The following SH3D19 variants were observed in gnomAD, a reference collection of about 807,000 sequenced individuals.
SH3D19 encodes SH3 domain containing 19, also known as SH3 domain-containing protein 19.
Under a neutral mutation model 112.1 loss-of-function variants are expected in SH3D19, and 58 were observed. That is an observed-to-expected ratio of 0.52 (90% CI 0.42 to 0.64). The LOEUF is 0.64. Among genes scored for constraint, SH3D19 ranks in the 30% least tolerant of loss-of-function variants. The pLI, the probability that SH3D19 is intolerant of heterozygous loss-of-function variation, is 0.00. For missense variants in SH3D19, 1,090 were observed against 1,263.4 expected, an observed-to-expected ratio of 0.86 and a Z score of 2.08; for synonymous variants, 391 against 448.5, an observed-to-expected ratio of 0.87 and a Z score of 1.62.
intron 1 of SH3D19, among the ~76,000 whole-genome samples, chr4:151,325,023 C>T (rs987171130): frequency 2.6e-5 from 4 of 152,190 alleles, no homozygotes; most frequent in Non-Finnish European, 5.9e-5. Flanking sequence ...AGCTGTACGA[C>T]CACTAGCAGT....
chr4:151,227,632 T>C (rs993882230), intron 1 of SH3D19: 2 of 433,840 alleles, frequency 4.6e-6, no homozygotes, highest in Admixed American at 6.4e-5. Flanking sequence ...TTTAAATCAT[T>C]TCTCTCAATC....
At chr4:151,249,183 G>C (rs768610532) in intron 1 of SH3D19, among the ~76,000 whole-genome samples, 2 of 152,142 alleles carry the variant, frequency 1.3e-5, no homozygotes, top group Non-Finnish European at 2.9e-5. Context: ...CACGTATTCA[G>C]AGTCTGTCCA....
In SH3D19 at chr4:151,174,846, G is replaced by A; in HGVS notation, c.1358C>T (p.Ala453Val). The change falls in exon 7 of 20, where the codon GCA (alanine) becomes GTA (valine). Residue 453 changes from alanine to valine, a missense_variant. Physicochemically the swap from Ala to Val is moderately conservative, Grantham distance 64 (BLOSUM62 0). Transcript: ENST00000604030. ...PVTVPPRLAG[A>V]SQAKAYKSLG... is the part of the protein sequence containing the mutation. ...TGACTTGTATGCTTTGGCTTGTGAT[G>A]CCCCTGCGAGTCGGGGAGGAACAGT... 1 of 1,591,436 alleles carries A rather than the reference G, an allele frequency of 6.3e-7. No individual in the cohort carries two copies.
At chr4:151,282,503 A>G in intron 1 of SH3D19, 2 of 1,359,204 alleles carry the variant, frequency 1.5e-6, no homozygotes, top group Non-Finnish European at 2.0e-6. Flanking sequence ...TACCATGGAA[A>G]ATATTTTTCA....
intron 7 of SH3D19, among the ~76,000 whole-genome samples, chr4:151,168,681 C>A (rs11943609): frequency 6.6e-6 from 1 of 152,118 alleles, no homozygotes; most frequent in African/African-American, 2.4e-5. Context: ...GATCCTCCCA[C>A]CTTGGCCTCT....
Position 151,190,710 on chromosome 4 carries a change from G to A in SH3D19, c.153-3247C>T, listed in dbSNP as rs181854549. Among the ~76,000 whole-genome samples, 273 of 152,358 alleles carry A rather than the reference G, an allele frequency of 1.8e-3. 1 individual carries two copies. The highest frequency in any genetic ancestry group is 6.2e-3 in the African/African-American group (258 of 41,584). On this transcript the variant is annotated intron_variant, in intron 2 of 19. Transcript: ENST00000604030. ...AGGGGATTTATGGAAACACCTGGATGTCCAGGCAGAAGTTTGCTGCAGGGG... is the reference window on the plus strand; with the variant it reads ...AGGGGATTTATGGAAACACCTGGATATCCAGGCAGAAGTTTGCTGCAGGGG...
At chr4:151,240,451 T>C (rs1490995704) in intron 1 of SH3D19, among the ~76,000 whole-genome samples, 1 of 151,364 alleles carries the variant, frequency 6.6e-6, no homozygotes, top group East Asian at 1.9e-4. Flanking sequence ...CTTCACTACG[T>C]GTTTCATAAG....
intron 1 of SH3D19, among the ~76,000 whole-genome samples, chr4:151,308,976 C>G (rs572078111): frequency 1.3e-5 from 2 of 152,150 alleles, no homozygotes; most frequent in South Asian, 4.2e-4. Context: ...TTCAACAATT[C>G]TCATGCTCCA....
At chr4:151,313,691 G>A (rs916377225) in intron 1 of SH3D19, among the ~76,000 whole-genome samples, 2 of 152,056 alleles carry the variant, frequency 1.3e-5, no homozygotes, top group African/African-American at 2.4e-5. Flanking sequence ...ACTTCCAGAC[G>A]CACCCTCCAC....
intron 10 of SH3D19, 147 bp from the exon 11 acceptor site, chr4:151,148,333 G>T: frequency 1.2e-6 from 1 of 822,076 alleles, no homozygotes; most frequent in Non-Finnish European, 1.8e-6. Flanking sequence ...ACTGAAACAT[G>T]CAGGGTATGC....
At chr4:151,192,013 TG>T in intron 2 of SH3D19, among the ~76,000 whole-genome samples, 1 of 147,374 alleles carries the variant, frequency 6.8e-6, no homozygotes, top group East Asian at 2.0e-4. Flanking sequence ...GGCATGATCT[TG>T]GCTCACTGCA....
At chr4:151,214,383 G>T (rs1357926647) in intron 2 of SH3D19, among the ~76,000 whole-genome samples, 51 of 129,834 alleles carry the variant, frequency 3.9e-4, no homozygotes, top group Middle Eastern at 4.5e-3. Flanking sequence ...GGGCTGTTGG[G>T]CACACCTCCC....
At chr4:151,129,462 C>A (rs1033615776) in intron 17 of SH3D19, among the ~76,000 whole-genome samples, 1 of 152,100 alleles carries the variant, frequency 6.6e-6, no homozygotes, top group South Asian at 2.1e-4. Flanking sequence ...CTCTGCCTCC[C>A]GGGTTCAAGC....
chr4:151,277,196 C>A, intron 1 of SH3D19: 1 of 1,499,872 alleles, frequency 6.7e-7, no homozygotes, highest in Non-Finnish European at 9.0e-7. Flanking sequence ...GCTGTGCCTT[C>A]ACGCTGCTCC....
chr4:151,228,137 C>T (rs1468479757), intron 1 of SH3D19: 4 of 703,972 alleles, frequency 5.7e-6, no homozygotes, highest in Non-Finnish European at 7.0e-6. Flanking sequence ...TTCTATTGAA[C>T]CAGTAATTAA....
At chr4:151,189,964 T>G (rs1762380127) in intron 2 of SH3D19, among the ~76,000 whole-genome samples, 2 of 152,180 alleles carry the variant, frequency 1.3e-5, no homozygotes, top group South Asian at 4.1e-4. Flanking sequence ...ACTTGCTGAA[T>G]GGCTTTGCCC....
intron 1 of SH3D19, among the ~76,000 whole-genome samples, chr4:151,314,969 C>A (rs1484444059): frequency 6.6e-6 from 1 of 152,100 alleles, no homozygotes; most frequent in East Asian, 1.9e-4. Context: ...TCCTGGCAAC[C>A]CCATTCAACA....
chr4:151,226,874 C>T (rs1003813380), intron 1 of SH3D19, among the ~76,000 whole-genome samples: 1 of 152,154 alleles, frequency 6.6e-6, no homozygotes, highest in Admixed American at 6.5e-5. Context: ...TATTAATCAA[C>T]CTTGAGACTA....
chr4:151,302,389 T>C (rs553617474), intron 1 of SH3D19, among the ~76,000 whole-genome samples: 40 of 152,350 alleles, frequency 2.6e-4, no homozygotes, highest in Admixed American at 7.8e-4. Context: ...TATGACTTAT[T>C]GGTGTTTCCC....
Sources: allele counts gnomAD v4.1 joint callset (sites outside exome capture counted in the v4.1 genomes callset), GRCh38; gene constraint gnomAD v4.1.1; transcripts MANE v1.5; gene names NCBI Gene and HGNC (gene_info 2026-07-23, HGNC 2026-07-21).